The following TRIM75 variants were observed in gnomAD, a reference collection of about 807,000 sequenced individuals.
The protein encoded by TRIM75 is tripartite motif-containing protein 75.
chr4:165,059,546 A>G, the TRIM75 span: 1 of 780,928 alleles, frequency 1.3e-6, no homozygotes, highest in South Asian at 1.3e-5. Context: ...TGAGGCCCAT[A>G]GAGAAAGCTG....
the TRIM75 span, chr4:165,059,589 A>C: frequency 1.3e-6 from 1 of 780,910 alleles, no homozygotes; most frequent in Non-Finnish European, 2.4e-6. Flanking sequence ...CTGCAGTTAC[A>C]TCCAGCCCCT....
chr4:165,060,514 C>A, the TRIM75 span: 1 of 776,998 alleles, frequency 1.3e-6, no homozygotes, highest in South Asian at 1.4e-5. Context: ...GGACCAGATT[C>A]ACAACCTCTC....
At chr4:165,060,246 A>G in the TRIM75 span, 4 of 780,934 alleles carry the variant, frequency 5.1e-6, no homozygotes, top group Admixed American at 6.8e-5. Flanking sequence ...TGGCATTTGC[A>G]AAGATTCTCT....
the TRIM75 span, among the ~76,000 whole-genome samples, chr4:165,055,068 G>A: frequency 1.3e-5 from 2 of 151,968 alleles, no homozygotes; most frequent in Non-Finnish European, 2.9e-5. Flanking sequence ...ACTAAGGCCA[G>A]GAGGGGTTAA....
the TRIM75 span, chr4:165,059,317 G>T: frequency 2.6e-6 from 2 of 780,220 alleles, no homozygotes; most frequent in African/African-American, 3.4e-5. Flanking sequence ...CCTGTCTGTC[G>T]TCACCAGTGT....
the TRIM75 span, chr4:165,060,096 A>T: frequency 1.3e-6 from 1 of 780,922 alleles, no homozygotes; most frequent in South Asian, 1.3e-5. Context: ...AAAACGTGTG[A>T]GATTTACAAA....
At chr4:165,059,499 C>A in the TRIM75 span, 1 of 780,946 alleles carries the variant, frequency 1.3e-6, no homozygotes, top group Non-Finnish European at 2.4e-6. Context: ...GTTGTGTCCG[C>A]TGTGCACTCA....
the TRIM75 span, chr4:165,060,102 A>G: frequency 1.3e-5 from 10 of 780,964 alleles, no homozygotes; most frequent in Admixed American, 3.4e-5. Context: ...TGTGAGATTT[A>G]CAAAGAGAAA....
the TRIM75 span, among the ~76,000 whole-genome samples, chr4:165,054,672 T>C: frequency 1.3e-5 from 2 of 152,204 alleles, no homozygotes; most frequent in Non-Finnish European, 2.9e-5. Context: ...AGTGCTGGGA[T>C]TGCAGGCATG....
At chr4:165,055,629 G>A in the TRIM75 span, among the ~76,000 whole-genome samples, 1 of 152,076 alleles carries the variant, frequency 6.6e-6, no homozygotes, top group Non-Finnish European at 1.5e-5. Flanking sequence ...GAGTCTTGAC[G>A]CTGGAAGATG....
At chr4:165,056,183 C>A in the TRIM75 span, among the ~76,000 whole-genome samples, 1 of 151,884 alleles carries the variant, frequency 6.6e-6, no homozygotes, top group African/African-American at 2.4e-5. Flanking sequence ...TTCAGCTTGG[C>A]GAGGTGGCTC....
At chr4:165,056,691 C>T in the TRIM75 span, among the ~76,000 whole-genome samples, 2 of 145,930 alleles carry the variant, frequency 1.4e-5, no homozygotes, top group Non-Finnish European at 3.0e-5. Flanking sequence ...CTCGACTCAC[C>T]ACAACCTCCG....
At chr4:165,054,382 C>T in the TRIM75 span, among the ~76,000 whole-genome samples, 1 of 151,634 alleles carries the variant, frequency 6.6e-6, no homozygotes, top group African/African-American at 2.4e-5. Context: ...ATTCTCCTGC[C>T]TCAGCCTCCC....
Sources: allele counts gnomAD v4.1 joint callset (sites outside exome capture counted in the v4.1 genomes callset), GRCh38; gene constraint gnomAD v4.1.1; transcripts MANE v1.5; gene names NCBI Gene and HGNC (gene_info 2026-07-23, HGNC 2026-07-21).